Variants in EIF4G3 observed in about 807,000 individuals in gnomAD.
EIF4G3 encodes eIF-4-gamma 3.
In EIF4G3, 34 loss-of-function variants were observed where a neutral mutation model predicts 186.4. That is an observed-to-expected ratio of 0.18 (90% CI 0.14 to 0.24). EIF4G3 has a LOEUF of 0.24. EIF4G3 is among the 10% of genes least tolerant of loss of function. The pLI is 1.00. For missense variants in EIF4G3, 1,536 were observed against 1,948.5 expected (o/e 0.79, Z 3.99); for synonymous variants, 673 against 679.5 (o/e 0.99, Z 0.15).
rs2087618922 is a variant in EIF4G3 at position 20,895,393 on chromosome 1, G to C, written c.2108C>G (p.Pro703Arg). ...CTTGTCAAGAACCACATCACTGATA[G>C]GAGGCAGGCCCTCTGGTTTTTGTAT... ...ACIQKPEGLP[P>R]ISDVVLDKIN... The change falls in exon 17 of 37, where the codon CCT becomes CGT. Residue 703 changes from proline (P) to arginine (R), a missense_variant. Pro to Arg is a moderately radical substitution (Grantham distance 103). This residue lies in a region of EIF4G3 where 139 missense variants were observed against 192.8 expected (regional missense o/e 0.72). Transcript: ENST00000602326. 9 of 1,613,766 alleles carry C rather than the reference G, an allele frequency of 5.6e-6. No individual in the cohort carries two copies. The highest frequency in any genetic ancestry group is 7.6e-6 in the Non-Finnish European group (9 of 1,179,838).
At chr1:21,085,952 A>G (rs1291714240) in intron 3 of EIF4G3, among the ~76,000 whole-genome samples, 2 of 152,168 alleles carry the variant, frequency 1.3e-5, no homozygotes, top group Admixed American at 6.5e-5. Context: ...TTGGTCTCCC[A>G]AAGTGCTGGG....
chr1:20,925,555 AC>A (rs2094825382), intron 14 of EIF4G3, among the ~76,000 whole-genome samples: 1 of 152,234 alleles, frequency 6.6e-6, no homozygotes, highest in Non-Finnish European at 1.5e-5. Context: ...CGTTTTAGCA[AC>A]AGGGTCTTGC....
At chr1:20,916,607 G>C (rs998907027) in intron 14 of EIF4G3, among the ~76,000 whole-genome samples, 39 of 151,970 alleles carry the variant, frequency 2.6e-4, no homozygotes, top group African/African-American at 9.4e-4. Context: ...GAAAAAAACT[G>C]ATTATAAAAT....
chr1:21,074,115 A>G (rs1043431014), intron 3 of EIF4G3, among the ~76,000 whole-genome samples: 4 of 152,220 alleles, frequency 2.6e-5, no homozygotes, highest in African/African-American at 9.7e-5. Context: ...AATTTTGCCT[A>G]ACGTTTGAGA....
chr1:21,173,229 C>T (rs368884411), intron 2 of EIF4G3, among the ~76,000 whole-genome samples: 2 of 148,978 alleles, frequency 1.3e-5, no homozygotes, highest in Non-Finnish European at 3.0e-5. Context: ...TGGAGTCTCA[C>T]TCTGTAACCC....
intron 19 of EIF4G3, among the ~76,000 whole-genome samples, chr1:20,879,753 GT>G (rs1174501164): frequency 6.6e-6 from 1 of 152,056 alleles, no homozygotes; most frequent in Non-Finnish European, 1.5e-5. Context: ...CACTTAGCTG[GT>G]GGGAGCATTA....
At chr1:20,808,686 A>G (rs925757146) in intron 36 of EIF4G3, among the ~76,000 whole-genome samples, 1 of 152,176 alleles carries the variant, frequency 6.6e-6, no homozygotes, top group African/African-American at 2.4e-5. Context: ...GTCTCAAAAA[A>G]GAACAAGAGG....
intron 2 of EIF4G3, among the ~76,000 whole-genome samples, chr1:21,145,338 A>C (rs890130584): frequency 6.6e-6 from 1 of 151,516 alleles, no homozygotes; most frequent in African/African-American, 2.4e-5. Flanking sequence ...AACAAACAAA[A>C]AAAACCCTAG....
intron 4 of EIF4G3, among the ~76,000 whole-genome samples, chr1:21,019,607 T>C (rs932787102): frequency 4.6e-5 from 7 of 152,168 alleles, no homozygotes; most frequent in African/African-American, 9.7e-5. Context: ...TCTCATCTCA[T>C]AGAGCAAGAG....
At chr1:21,143,835 T>C (rs2097385582) in intron 2 of EIF4G3, among the ~76,000 whole-genome samples, 1 of 152,062 alleles carries the variant, frequency 6.6e-6, no homozygotes, top group Non-Finnish European at 1.5e-5. Flanking sequence ...GGCACCAGAA[T>C]CACTTGAACC....
At chr1:20,849,719 A>G (rs1265759072) in intron 28 of EIF4G3, among the ~76,000 whole-genome samples, 189 bp from the exon 29 acceptor site, 1 of 152,222 alleles carries the variant, frequency 6.6e-6, no homozygotes, top group Non-Finnish European at 1.5e-5. Context: ...ATAATCTACA[A>G]TAACAATGAA....
chr1:20,956,895 C>T (rs1477839015), intron 12 of EIF4G3, among the ~76,000 whole-genome samples: 4 of 152,144 alleles, frequency 2.6e-5, no homozygotes, highest in African/African-American at 4.8e-5. Context: ...TGAGCCACCG[C>T]GCCTAGCCCT....
chr1:21,104,441 T>C (rs375363473), intron 2 of EIF4G3, among the ~76,000 whole-genome samples: 1 of 152,158 alleles, frequency 6.6e-6, no homozygotes, highest in Non-Finnish European at 1.5e-5. Flanking sequence ...AAAGAAGACA[T>C]ATACATGGCC....
At chr1:20,948,970 C>CA (rs34585901) in intron 13 of EIF4G3, among the ~76,000 whole-genome samples, 6,408 of 50,448 alleles carry the variant, frequency 0.13, 273 homozygotes, top group East Asian at 0.18. Flanking sequence ...GACTCTGTCT[C>CA]AAAAAAAAAA....
At chr1:20,811,748 T>C (rs1262105679) in intron 35 of EIF4G3, among the ~76,000 whole-genome samples, 1 of 152,218 alleles carries the variant, frequency 6.6e-6, no homozygotes, top group Admixed American at 6.5e-5. Flanking sequence ...ACATTGGACA[T>C]GTATATCAAA....
intron 16 of EIF4G3, 30 bp from the exon 17 acceptor site, chr1:20,895,531 T>C (rs775651139): frequency 1.2e-6 from 2 of 1,609,984 alleles, no homozygotes; most frequent in Middle Eastern, 1.7e-4. Context: ...CAGACACTGT[T>C]TGTAGGGCAT....
chr1:20,969,621 A>G, intron 11 of EIF4G3, 25 bp from the exon 12 acceptor site: 1 of 1,608,578 alleles, frequency 6.2e-7, no homozygotes, highest in Non-Finnish European at 8.5e-7. Context: ...AAAATGACAT[A>G]TGTACAGATG....
intron 2 of EIF4G3, among the ~76,000 whole-genome samples, chr1:21,104,776 T>C (rs957122085): frequency 1.3e-5 from 2 of 152,128 alleles, no homozygotes; most frequent in African/African-American, 4.8e-5. Flanking sequence ...ATGTTTGTCA[T>C]AGCACTATTC....
chr1:20,913,803 T>A (rs2093550006), intron 14 of EIF4G3, among the ~76,000 whole-genome samples: 1 of 126,202 alleles, frequency 7.9e-6, no homozygotes, highest in African/African-American at 2.9e-5. Context: ...TATTAGAATT[T>A]TTTTTTTTTT....
Sources: gnomAD v4.1 joint callset for allele counts (sites outside exome capture counted in the v4.1 genomes callset) on GRCh38, gnomAD v4.1.1 for gene constraint, gnomAD v4.1.1 regional missense constraint, MANE v1.5 for transcripts, NCBI Gene and HGNC (gene_info 2026-07-23, HGNC 2026-07-21) for gene names.